The following FOLH1 variants were observed in gnomAD, a reference collection of about 807,000 sequenced individuals.
The protein encoded by FOLH1 is glutamate carboxypeptidase 2.
Under a neutral mutation model 93.9 loss-of-function variants are expected in FOLH1, and 54 were observed. That is an observed-to-expected ratio of 0.57 (90% CI 0.46 to 0.72). FOLH1 has a LOEUF of 0.72. FOLH1 is among the 30% of genes least tolerant of loss of function. FOLH1 has a pLI of 0.00. For missense variants in FOLH1, 571 were observed against 892.5 expected (o/e 0.64, Z 4.59); for synonymous variants, 249 against 303.6 (o/e 0.82, Z 1.87).
intron 18 of FOLH1, among the ~76,000 whole-genome samples, chr11:49,148,107 G>A (rs1277723376): frequency 6.6e-6 from 1 of 151,848 alleles, no homozygotes; most frequent in Non-Finnish European, 1.5e-5. Flanking sequence ...ATATTTAGAA[G>A]ATCAACCTGG....
chr11:49,190,469 T>C (rs933317109), intron 4 of FOLH1, among the ~76,000 whole-genome samples: 1 of 152,222 alleles, frequency 6.6e-6, no homozygotes, highest in Non-Finnish European at 1.5e-5. Flanking sequence ...CCCGGAATTT[T>C]CTTTGTTTCC....
chr11:49,147,390 A>G (rs1352406043), intron 18 of FOLH1, among the ~76,000 whole-genome samples: 1 of 152,118 alleles, frequency 6.6e-6, no homozygotes, highest in Non-Finnish European at 1.5e-5. Flanking sequence ...CCCCTATATT[A>G]TAGCACAATT....
chr11:49,187,469 AT>A (rs1861545889), intron 4 of FOLH1, among the ~76,000 whole-genome samples: 1 of 152,174 alleles, frequency 6.6e-6, no homozygotes, highest in African/African-American at 2.4e-5. Context: ...AAATATTAAT[AT>A]TTTTAGAAGA....
In FOLH1 at chr11:49,157,991, G is replaced by T. The variant is rs1857209972; in HGVS notation, c.1493C>A (p.Thr498Asn). 3 of 1,599,468 alleles carry T rather than the reference G, an allele frequency of 1.9e-6. No homozygotes were observed. The highest frequency in any genetic ancestry group is 1.3e-5 in the African/African-American group (1 of 74,386). ...GAACTCTGGGGAAGGACTTTTTTTA[G>T]TCCAACTTTCATAAAGAGATTTGCC... is the stretch of plus-strand genomic sequence containing the variant. Reference protein sequence around the residue: ...FEGKSLYESWTKKSPSPEFSG... With the variant: ...FEGKSLYESWNKKSPSPEFSG... The change falls in exon 14 of 19, where the codon ACT (threonine) becomes AAT (asparagine). Residue 498 changes from threonine to asparagine, a missense_variant. By Grantham distance (65) the Thr-to-Asn change is moderately conservative (BLOSUM62 0). Around this residue, in one of 2 missense-constraint regions of FOLH1, gnomAD observed 500 missense variants for 822.9 expected, o/e 0.61. Transcript: ENST00000256999.
In FOLH1 at chr11:49,171,238, T is replaced by A. The variant is rs765839849; in HGVS notation, c.1265A>T (p.Asp422Val). 3.1e-6 allele frequency: 5 copies of A among 1,589,014 alleles called. No individual in the cohort carries two copies. Among genetic ancestry groups the A allele is most frequent in the Non-Finnish European group, 3.4e-6 (4 of 1,170,400 alleles). The change falls in exon 11 of 19, where the codon GAT becomes GTT. Residue 422 changes from aspartate (D) to valine (V), a missense_variant. By Grantham distance (152) the Asp-to-Val change is radical. Coordinates refer to ENST00000256999, the MANE Select transcript of FOLH1 (RefSeq NM_004476.3). ...PRRTILFASWDAEEFGLLGST... is the reference protein window; with the variant it reads ...PRRTILFASWVAEEFGLLGST... ...ACCAAGAAGACCAAATTCTTCTGCATCCCAGCTTGCAAACAAAATTGTTCT... is the reference window on the plus strand; with the variant it reads ...ACCAAGAAGACCAAATTCTTCTGCAACCCAGCTTGCAAACAAAATTGTTCT...
intron 9 of FOLH1, among the ~76,000 whole-genome samples, 162 bp from the exon 10 acceptor site, chr11:49,173,638 ATG>A (rs1859646424): frequency 6.6e-6 from 1 of 151,868 alleles, no homozygotes; most frequent in Non-Finnish European, 1.5e-5. Context: ...TGATTTTAAT[ATG>A]TGTTTCTTCT....
intron 17 of FOLH1, among the ~76,000 whole-genome samples, chr11:49,153,301 G>A (rs1361768499): frequency 6.6e-6 from 1 of 151,148 alleles, no homozygotes; most frequent in African/African-American, 2.4e-5. Context: ...TGCTATTCTG[G>A]ATAAACAGAA....
chr11:49,204,607 G>A (rs1457010463), intron 2 of FOLH1, among the ~76,000 whole-genome samples: 1 of 152,172 alleles, frequency 6.6e-6, no homozygotes, highest in Admixed American at 6.5e-5. Flanking sequence ...AGATAAAGAA[G>A]TTCGAGCTTC....
intron 2 of FOLH1, 47 bp downstream of exon 2, chr11:49,206,020 A>G (rs746986523): frequency 4.5e-6 from 7 of 1,563,838 alleles, no homozygotes; most frequent in Non-Finnish European, 6.1e-6. Context: ...CAGAATGATA[A>G]ATTTTTCTAA....
At chr11:49,174,183 T>C (rs966879402) in intron 9 of FOLH1, among the ~76,000 whole-genome samples, 1 of 152,186 alleles carries the variant, frequency 6.6e-6, no homozygotes, top group African/African-American at 2.4e-5. Context: ...ACTTATATAT[T>C]GTTTAGTACT....
At chr11:49,206,410 G>C (rs1350759495) in intron 1 of FOLH1, 2 of 734,178 alleles carry the variant, frequency 2.7e-6, no homozygotes, top group East Asian at 6.4e-5. Context: ...TCAATGATAG[G>C]TATTGCTGTT....
chr11:49,200,350 C>A lies in FOLH1; in HGVS notation c.316G>T (p.Asp106Tyr). The A allele has an allele frequency of 1.2e-6, 2 of 1,613,496 alleles. No individual in the cohort carries two copies. Among genetic ancestry groups the A allele is most frequent in the South Asian group, 2.2e-5 (2 of 91,032 alleles). ...TCATAATGTGCTAGCTCAACAGAATCCAGGCCAAATTCTTTCCACTGGGAT... is the reference window on the plus strand; with the variant it reads ...TCATAATGTGCTAGCTCAACAGAATACAGGCCAAATTCTTTCCACTGGGAT... The part of the protein sequence containing the change: ...IQSQWKEFGL[D>Y]SVELAHYDVL... Residue 106 changes from aspartate (D) to tyrosine (Y), a missense_variant, in exon 3 of 19, where the codon GAT becomes TAT. Coordinates refer to ENST00000256999, the MANE Select transcript of FOLH1 (RefSeq NM_004476.3).
chr11:49,186,804 A>T (rs776975754), intron 4 of FOLH1, 35 bp from the exon 5 acceptor site: 1 of 1,547,376 alleles, frequency 6.5e-7, no homozygotes, highest in South Asian at 1.3e-5. Context: ...TATGAGTCAG[A>T]TATAAAACAA....
At chr11:49,158,633 T>G (rs186963782) in intron 13 of FOLH1, among the ~76,000 whole-genome samples, 2 of 152,318 alleles carry the variant, frequency 1.3e-5, no homozygotes, top group South Asian at 4.1e-4. Context: ...TGGATCCATA[T>G]GAATTTTAAA....
chr11:49,154,240 T>G lies in FOLH1; in HGVS notation c.1876A>C (p.Ser626Arg), dbSNP rs750940557. The G allele has an allele frequency of 6.2e-7, 1 of 1,613,260 alleles. No homozygotes were observed. Among genetic ancestry groups the G allele is most frequent in the East Asian group, 2.2e-5 (1 of 44,868 alleles). The change falls in exon 16 of 19, where the codon AGT becomes CGT. Residue 626 changes from serine (S) to arginine (R), a missense_variant. Around this residue, in one of 2 missense-constraint regions of FOLH1, gnomAD observed 500 missense variants for 822.9 expected, o/e 0.61. Transcript: ENST00000256999. ...MKHPQEMKTYSVSFDSLFSAV... is the reference protein window; with the variant it reads ...MKHPQEMKTYRVSFDSLFSAV... ...AAGGGTAACATACCAAATGATACAC[T>G]GTATGTCTTCATTTCCTGTGGATGT...
At chr11:49,156,126 A>C (rs1857010372) in intron 15 of FOLH1, among the ~76,000 whole-genome samples, 1 of 151,610 alleles carries the variant, frequency 6.6e-6, no homozygotes, top group African/African-American at 2.4e-5. Context: ...CTCCTCACTC[A>C]CCTTCAGCCA....
At chr11:49,192,184 A>C (rs1307939880) in intron 4 of FOLH1, among the ~76,000 whole-genome samples, 2 of 152,122 alleles carry the variant, frequency 1.3e-5, no homozygotes, top group East Asian at 3.8e-4. Flanking sequence ...GATAATATTA[A>C]TACTATTTTT....
intron 3 of FOLH1, among the ~76,000 whole-genome samples, chr11:49,197,857 G>A (rs1386610211): frequency 3.3e-5 from 5 of 151,946 alleles, no homozygotes; most frequent in Admixed American, 1.3e-4. Flanking sequence ...AATATAAAAA[G>A]AATTAACTTA....
intron 5 of FOLH1, 22 bp from the exon 6 acceptor site, chr11:49,185,877 T>C (rs1861305845): frequency 1.3e-5 from 19 of 1,505,916 alleles, no homozygotes; most frequent in Non-Finnish European, 1.4e-5. Flanking sequence ...AGTGTCTTTC[T>C]TTCCTTATTT....
Sources: gnomAD v4.1 joint callset for allele counts (sites outside exome capture counted in the v4.1 genomes callset) on GRCh38, gnomAD v4.1.1 for gene constraint, gnomAD v4.1.1 regional missense constraint, MANE v1.5 for transcripts, NCBI Gene and HGNC (gene_info 2026-07-23, HGNC 2026-07-21) for gene names.